WDR64: variants seen among roughly 807,000 people sequenced by gnomAD.
WDR64 encodes the protein WD repeat-containing protein 64.
In WDR64, 112 loss-of-function variants were observed where a neutral mutation model predicts 139.3. The observed-to-expected ratio is 0.80, with a 90% confidence interval of 0.69 to 0.94. The LOEUF (loss-of-function observed/expected upper bound fraction) is 0.94, where lower values mean the gene tolerates loss of function less well. Ranked by LOEUF, WDR64 falls within the 40% of genes least tolerant of loss-of-function variation. The pLI is 0.00. For synonymous variants in WDR64, 444 were observed against 437.7 expected, an observed-to-expected ratio of 1.01 and a Z score of -0.18; for missense variants, 1,206 against 1,293.1, an observed-to-expected ratio of 0.93 and a Z score of 1.03.
chr1:241,769,966 G>GA (rs1658364438), intron 17 of WDR64, among the ~76,000 whole-genome samples: 4 of 152,124 alleles, frequency 2.6e-5, no homozygotes, highest in African/African-American at 4.8e-5. Context: ...AGGGATTTAA[G>GA]AAAAAATCCC....
At chr1:241,687,986 G>T (rs1342223428) in intron 8 of WDR64, among the ~76,000 whole-genome samples, 1 of 152,168 alleles carries the variant, frequency 6.6e-6, no homozygotes. Flanking sequence ...TGTTTCATGT[G>T]TAATATACAA....
rs554134905 is a variant in WDR64, at chr1:241,802,641, C to A, written c.*1426C>A. Among the ~76,000 whole-genome samples the A allele has an allele frequency of 1.1e-4, 17 of 151,826 alleles. No homozygotes were observed. In the South Asian group the frequency reaches 1.7e-3, roughly 15 times the overall value. On this transcript the variant is annotated 3_prime_UTR_variant, in exon 28 of 28. Coordinates refer to ENST00000437684, the MANE Select transcript of WDR64 (RefSeq NM_001367482.1). Reference sequence around the variant, plus strand: ...GTCTTCCACTTACTTTGAAATGAATCAAAAAAATAAGATGAACTAATGGAT... The same window carrying A: ...GTCTTCCACTTACTTTGAAATGAATAAAAAAAATAAGATGAACTAATGGAT...
chr1:241,652,414 T>C lies in WDR64; in HGVS notation c.-71T>C. 6.7e-7 allele frequency: 1 copy of C among 1,486,550 alleles called. No homozygotes were observed. The highest frequency in any genetic ancestry group is 2.5e-5 in the East Asian group (1 of 40,456). 92.1% of individuals were successfully genotyped at this position (1,486,550 alleles called of 1,614,324 possible). The stretch of plus-strand genomic sequence containing the variant: ...GACAGCAGGGAGGCACTGTAACAAC[T>C]GGAAAGTTTTCCAAATTGGTAAACT... On this transcript the variant is annotated 5_prime_UTR_variant, in exon 1 of 28. Transcript: ENST00000437684.
At chr1:241,731,476 A>AT (rs767760043) in intron 10 of WDR64, among the ~76,000 whole-genome samples, 1 of 152,158 alleles carries the variant, frequency 6.6e-6, no homozygotes, top group South Asian at 2.1e-4. Flanking sequence ...ACTGTGTGAT[A>AT]ACTACAAGTG....
intron 24 of WDR64, among the ~76,000 whole-genome samples, chr1:241,789,389 A>G (rs1244501165): frequency 6.6e-6 from 1 of 152,240 alleles, no homozygotes; most frequent in African/African-American, 2.4e-5. Flanking sequence ...ATGTATCCAA[A>G]GGAATATAAA....
chr1:241,723,731 G>A (rs1461755672), intron 10 of WDR64, among the ~76,000 whole-genome samples: 1 of 151,760 alleles, frequency 6.6e-6, no homozygotes. Context: ...AGGAACATTA[G>A]GAAAAAAATG....
At chr1:241,671,650 T>A (rs1666232930) in intron 3 of WDR64, among the ~76,000 whole-genome samples, 2 of 152,216 alleles carry the variant, frequency 1.3e-5, no homozygotes, top group Admixed American at 1.3e-4. Flanking sequence ...ATGGGCACTG[T>A]CCCAGTCTGG....
chr1:241,735,514 T>C (rs992760765), intron 10 of WDR64, among the ~76,000 whole-genome samples: 34 of 142,904 alleles, frequency 2.4e-4, no homozygotes, highest in Admixed American at 2.1e-4. Context: ...TTTAGTTCTC[T>C]GTCTCTCTCT....
intron 4 of WDR64, among the ~76,000 whole-genome samples, chr1:241,677,122 C>T (rs775114092): frequency 1.3e-5 from 2 of 151,656 alleles, no homozygotes; most frequent in Non-Finnish European, 2.9e-5. Flanking sequence ...ACATTAAATG[C>T]TATTAATAAA....
At position 241,766,324 on chromosome 1, in the gene WDR64, AT is replaced by A; in HGVS notation, c.2058del (p.Phe686LeufsTer2). Reference protein sequence around the residue: ...GTLNGVIILWNFVTSTVKKVY... With the variant: ...GTLNGVIILWXFVTSTVKKVY... ...TTAAATGGTGTGATCATCTTATGGA[AT>A]TTTGTGACGTCTACTGTCAAAAAAG... On this transcript the variant is annotated frameshift_variant, in exon 16 of 28. Transcript: ENST00000437684. LOFTEE classifies it high-confidence loss of function. 2 of 1,614,076 alleles carry A rather than the reference AT, an allele frequency of 1.2e-6. No individual in the cohort carries two copies. The highest frequency in any genetic ancestry group is 1.7e-6 in the Non-Finnish European group (2 of 1,179,978).
rs566640072 is a variant in WDR64, at chr1:241,706,508, A to G, written c.975-5294A>G. Among the ~76,000 whole-genome samples the G allele has an allele frequency of 2.2e-3, 341 of 152,384 alleles. 1 individual carries two copies. Among genetic ancestry groups the G allele is most frequent in the African/African-American group, 7.9e-3 (329 of 41,594 alleles). ...ATGAGTCATCAGTTAGAACTTAACT[A>G]CTTCTCATCTGGGACATTTAAGCAT... is the stretch of plus-strand genomic sequence containing the variant. On this transcript the variant is annotated intron_variant, in intron 8 of 27. Transcript: ENST00000437684.
chr1:241,700,004 C>T (rs907702750), intron 8 of WDR64, among the ~76,000 whole-genome samples: 2 of 151,326 alleles, frequency 1.3e-5, no homozygotes, highest in Non-Finnish European at 2.9e-5. Flanking sequence ...AGGAGGGAGA[C>T]CAATTGATGA....
At chr1:241,725,541 A>C (rs1477917958) in intron 10 of WDR64, among the ~76,000 whole-genome samples, 2 of 152,044 alleles carry the variant, frequency 1.3e-5, no homozygotes, top group Non-Finnish European at 2.9e-5. Context: ...GAACTATGCG[A>C]ATCTCCCTGG....
At chr1:241,714,987 C>A (rs1237857310) in intron 9 of WDR64, among the ~76,000 whole-genome samples, 1 of 152,072 alleles carries the variant, frequency 6.6e-6, no homozygotes, top group Non-Finnish European at 1.5e-5. Flanking sequence ...AATTTGGAAC[C>A]CAGTTTGCCA....
At chr1:241,788,066 T>C (rs1659107125) in intron 24 of WDR64, 32 bp downstream of exon 24, 10 of 1,528,254 alleles carry the variant, frequency 6.5e-6, no homozygotes, top group Non-Finnish European at 8.8e-6. Flanking sequence ...TAGATAAGCA[T>C]ACAAGAATCA....
chr1:241,675,013 CTT>C (rs1558465845), intron 4 of WDR64, among the ~76,000 whole-genome samples: 4 of 42,286 alleles, frequency 9.5e-5, no homozygotes, highest in South Asian at 9.2e-4. Context: ...CTCTTCCTTC[CTT>C]TCTTCTTCCT....
At chr1:241,773,222 T>C (rs1428165914) in intron 20 of WDR64, among the ~76,000 whole-genome samples, 1 of 152,142 alleles carries the variant, frequency 6.6e-6, no homozygotes, top group African/African-American at 2.4e-5. Flanking sequence ...TACAGACAGA[T>C]ACCCATACTG....
intron 27 of WDR64, among the ~76,000 whole-genome samples, chr1:241,800,542 G>T (rs1659492165): frequency 6.6e-6 from 1 of 152,136 alleles, no homozygotes; most frequent in Non-Finnish European, 1.5e-5. Context: ...AGTTACTCGG[G>T]AGGCTAAGAT....
At position 241,656,892 on chromosome 1, in the gene WDR64, G is replaced by GTGTA. The variant is rs1665621312; in HGVS notation, c.146-3635_146-3634insATGT. On this transcript the variant is annotated intron_variant, in intron 1 of 27. Coordinates refer to ENST00000437684, the MANE Select transcript of WDR64 (RefSeq NM_001367482.1). This position sits in a 1 kb window ranked among gnomAD's most constrained non-coding sequence, Gnocchi z 4.3. ...ATGTTGTGTGTGTGTGTGTGTGTGTGTGTGTGTGTGTGTGTGTGTCTGTCT... is the reference window on the plus strand; with the variant it reads ...ATGTTGTGTGTGTGTGTGTGTGTGTGTGTATGTGTGTGTGTGTGTGTGTCTGTCT... 2.0e-5 allele frequency among the ~76,000 whole-genome samples: 3 copies of GTGTA among 151,200 alleles called. No homozygotes were observed. Among genetic ancestry groups the GTGTA allele is most frequent in the Admixed American group, 1.3e-4 (2 of 15,168 alleles).
Sources: gnomAD v4.1 joint callset for allele counts (sites outside exome capture counted in the v4.1 genomes callset) on GRCh38, gnomAD v4.1.1 for gene constraint, Gnocchi (gnomAD v3.1) non-coding constraint, MANE v1.5 for transcripts, NCBI Gene and HGNC (gene_info 2026-07-23, HGNC 2026-07-21) for gene names.